The following MAIP1 variants were observed in gnomAD, a reference collection of about 807,000 sequenced individuals.
MAIP1 encodes the protein m-AAA protease-interacting protein 1, mitochondrial.
A neutral mutation model predicts 31.2 loss-of-function variants in MAIP1; 28 were observed. The observed-to-expected ratio is 0.90, with a 90% CI of 0.67 to 1.23. MAIP1 has a LOEUF of 1.23. Ranked by LOEUF, MAIP1 falls within the 50% of genes most tolerant of loss-of-function variation. The probability of loss-of-function intolerance (pLI) is 0.00; values close to 1 mark genes in which losing one functional copy is unlikely to be tolerated. For synonymous variants in MAIP1, 142 were observed against 142.3 expected (o/e 1.00, Z 0.02); for missense variants, 339 against 356.0 (o/e 0.95, Z 0.38).
intron 2 of MAIP1, among the ~76,000 whole-genome samples, 189 bp from the exon 3 acceptor site, chr2:199,959,565 T>C (rs1205784490): frequency 1.3e-5 from 2 of 152,212 alleles, no homozygotes; most frequent in Non-Finnish European, 2.9e-5. Flanking sequence ...TGCTCTTATA[T>C]GGAATGTTCT....
upstream of MAIP1, chr2:199,955,353 C>G: frequency 6.2e-7 from 1 of 1,603,924 alleles, no homozygotes; most frequent in Non-Finnish European, 8.5e-7. Context: ...ACGTGTCTCT[C>G]GCTGGTTTCT....
At chr2:199,959,376 G>A in intron 2 of MAIP1, 37 bp downstream of exon 2, 1 of 1,124,640 alleles carries the variant, frequency 8.9e-7, no homozygotes. Context: ...AAAAATAAAT[G>A]CTATTCTCTT....
intron 2 of MAIP1, 113 bp from the exon 3 acceptor site, chr2:199,959,641 G>A (rs374043843): frequency 8.2e-6 from 7 of 850,716 alleles, no homozygotes; most frequent in African/African-American, 1.7e-5. Flanking sequence ...GAGTAAATAC[G>A]GTAGTAAATT....
chr2:199,956,261 C>G lies in MAIP1; in HGVS notation c.450+13C>G. On this transcript the variant is annotated intron_variant, in intron 1 of 4. Coordinates refer to ENST00000392290, the MANE Select transcript of MAIP1 (RefSeq NM_001394955.1). Reference sequence around the variant, plus strand: ...GGGAGCGAAGCAGGTTTGTTTATTTCCCTGATTGACCTATCCGTCTCTAAT... The same window carrying G: ...GGGAGCGAAGCAGGTTTGTTTATTTGCCTGATTGACCTATCCGTCTCTAAT... 1 of 1,587,292 alleles carries G rather than the reference C, an allele frequency of 6.3e-7. No individual in the cohort carries two copies. The highest frequency in any genetic ancestry group is 8.6e-7 in the Non-Finnish European group (1 of 1,161,508).
In MAIP1 at chr2:199,959,267, G is replaced by A. The variant is rs1286517439; in HGVS notation, c.451-1G>A. On this transcript the variant is annotated splice_acceptor_variant, in intron 1 of 4. Transcript: ENST00000392290. LOFTEE classifies it high-confidence loss of function. The stretch of plus-strand genomic sequence containing the variant: ...ACACTTCCCTTAATATTTTTTTCAA[G>A]GCTTTTGCTCATGTATCCAAGTTGC... 6.5e-7 allele frequency: 1 copy of A among 1,547,034 alleles called. No homozygotes were observed. Among genetic ancestry groups the A allele is most frequent in the Non-Finnish European group, 8.9e-7 (1 of 1,120,872 alleles).
intron 3 of MAIP1, 97 bp from the exon 4 acceptor site, chr2:199,961,684 T>C: frequency 9.0e-7 from 1 of 1,111,290 alleles, no homozygotes; most frequent in South Asian, 1.6e-5. Context: ...CTGTAACAAC[T>C]GTATAACTGC....
chr2:199,955,814 C>T lies in MAIP1; in HGVS notation c.16C>T (p.Arg6Cys), dbSNP rs747358230. The T allele has an allele frequency of 2.9e-5, 44 of 1,516,136 alleles. No individual in the cohort carries two copies. The highest frequency in any genetic ancestry group is 3.6e-5 in the Non-Finnish European group (41 of 1,133,852). The allele number at this position is 1,516,136 out of a possible 1,614,324, so 93.9% of individuals were successfully genotyped here. The change falls in exon 1 of 5, where the codon CGT (arginine) becomes TGT (cysteine). Residue 6 changes from arginine to cysteine, a missense_variant. Arg to Cys is a radical substitution (Grantham distance 180, BLOSUM62 -3). Transcript: ENST00000392290. MALAA[R>C]LLPQFLHSRS... Reference sequence around the variant, plus strand: ...GGTCATAAAAATGGCGCTGGCCGCTCGTTTGCTACCCCAGTTCCTGCACTC... The same window carrying T: ...GGTCATAAAAATGGCGCTGGCCGCTTGTTTGCTACCCCAGTTCCTGCACTC...
At position 199,956,251 on chromosome 2, in the gene MAIP1, T is replaced by C; in HGVS notation, c.450+3T>C. ...AGTTCTCCGAGGGAGCGAAGCAGGT[T>C]TGTTTATTTCCCTGATTGACCTATC... is the stretch of plus-strand genomic sequence containing the variant. On this transcript the variant is annotated splice_donor_region_variant and intron_variant, in intron 1 of 4. Transcript: ENST00000392290. The C allele has an allele frequency of 6.2e-7, 1 of 1,605,526 alleles. No homozygotes were observed. The highest frequency in any genetic ancestry group is 8.5e-7 in the Non-Finnish European group (1 of 1,174,906).
rs776541062 is a variant in MAIP1, at chr2:199,956,007, G to A, written c.209G>A (p.Gly70Asp). The change falls in exon 1 of 5, where the codon GGC becomes GAC. Residue 70 changes from glycine (G) to aspartate (D), a missense_variant. By Grantham distance (94) the Gly-to-Asp change is moderately conservative. Coordinates refer to ENST00000392290, the MANE Select transcript of MAIP1 (RefSeq NM_001394955.1). ...GCAGCCTCGGCGCTACCTGCCCAGG[G>A]CTCCCGGTGGCCAGTGCTCAGCAGC... ...ALAASALPAQ[G>D]SRWPVLSSPG... is the part of the protein sequence containing the mutation. 8 of 1,610,424 alleles carry A rather than the reference G, an allele frequency of 5.0e-6. No homozygotes were observed. In the East Asian group the frequency reaches 6.7e-5, roughly 14 times the overall value.
chr2:199,955,475 G>A (rs984012090), upstream of MAIP1: 1 of 1,613,488 alleles, frequency 6.2e-7, no homozygotes, highest in Non-Finnish European at 8.5e-7. Flanking sequence ...GGCCATGGTT[G>A]CTCACGCCTG....
chr2:199,962,064 G>GAC (rs562445973), intron 4 of MAIP1, 136 bp downstream of exon 4: 145 of 738,662 alleles, frequency 2.0e-4, no homozygotes, highest in African/African-American at 1.9e-3. Context: ...AGGTCAGAAA[G>GAC]ACACACTGGA....
rs1339819345 is a variant in MAIP1, at chr2:199,959,436, G to C, written c.522+97G>C. Reference sequence around the variant, plus strand: ...TTATTTATGCTTAAAAATAGTGTGTGTGCCAGCATCCAAAGTAGAGTCTGT... The same window carrying C: ...TTATTTATGCTTAAAAATAGTGTGTCTGCCAGCATCCAAAGTAGAGTCTGT... On this transcript the variant is annotated intron_variant, in intron 2 of 4. Transcript: ENST00000392290. 10 of 764,542 alleles carry C rather than the reference G, an allele frequency of 1.3e-5. No individual in the cohort carries two copies. The East Asian group carries it at 2.2e-4, about 17-fold the overall frequency. 47.4% of individuals were successfully genotyped at this position (764,542 alleles called of 1,614,324 possible). A position where few individuals can be genotyped will look rare whatever the true frequency, so the allele number is the denominator to read the frequency against.
chr2:199,955,993 G>A lies in MAIP1; in HGVS notation c.195G>A (p.Ala65=). 1 of 1,611,688 alleles carries A rather than the reference G, an allele frequency of 6.2e-7. No individual in the cohort carries two copies. The highest frequency in any genetic ancestry group is 8.5e-7 in the Non-Finnish European group (1 of 1,179,156). Residue 65 remains alanine (A), a synonymous_variant, in exon 1 of 5, where the codon GCG becomes GCA. Transcript: ENST00000392290. ...GCGCTAGGGCCTTGGCAGCCTCGGC[G>A]CTACCTGCCCAGGGCTCCCGGTGGC... ...PRSARALAAS[A]LPAQGSRWPV...
At position 199,959,859 on chromosome 2, in the gene MAIP1, T is replaced by C; in HGVS notation, c.628T>C (p.Ser210Pro). The C allele has an allele frequency of 6.2e-7, 1 of 1,612,164 alleles. No homozygotes were observed. The highest frequency in any genetic ancestry group is 2.2e-5 in the East Asian group (1 of 44,750). Residue 210 changes from serine (S) to proline (P), a missense_variant, in exon 3 of 5, where the codon TCC (serine) becomes CCC (proline). Transcript: ENST00000392290. ...EIVFTSTGDI[S>P]IYYDEKGRKF... ...TGTATTTACATCAACAGGAGACATC[T>C]CCATTTACTATGATGAGAAAGGTAA... is the stretch of plus-strand genomic sequence containing the variant.
In MAIP1 at chr2:199,955,643, G is replaced by A; in HGVS notation, c.-156G>A. 2 of 1,122,118 alleles carry A rather than the reference G, an allele frequency of 1.8e-6. No individual in the cohort carries two copies. The highest frequency in any genetic ancestry group is 2.5e-6 in the Non-Finnish European group (2 of 807,974). The allele number at this position is 1,122,118 out of a possible 1,614,324, so 69.5% of individuals were successfully genotyped here. A position where few individuals can be genotyped will look rare whatever the true frequency, so the allele number is the denominator to read the frequency against. On this transcript the variant is annotated 5_prime_UTR_variant, in exon 1 of 5. Transcript: ENST00000392290. ...TTGCCGAAGGGCCTCGGCCTGGGCT[G>A]CGTGCTGGAGAGCGGGGACGGGGCC...
In MAIP1 at chr2:199,964,096, A is replaced by G. The variant is rs1450722816; in HGVS notation, c.*285A>G. The G allele has an allele frequency of 2.1e-5, 4 of 193,594 alleles. No homozygotes were observed. Among genetic ancestry groups the G allele is most frequent in the African/African-American group, 7.0e-5 (3 of 42,702 alleles). 12.0% of individuals were successfully genotyped at this position (193,594 alleles called of 1,614,324 possible). ...CTACATATAATTTTATAGACATAAT[A>G]AAGAAGGTATTGAAAAAACTACTTA... is the stretch of plus-strand genomic sequence containing the variant. On this transcript the variant is annotated 3_prime_UTR_variant, in exon 5 of 5. Transcript: ENST00000392290.
At chr2:199,956,615 A>G (rs1253517002) in intron 1 of MAIP1, among the ~76,000 whole-genome samples, 1 of 152,250 alleles carries the variant, frequency 6.6e-6, no homozygotes, top group African/African-American at 2.4e-5. Flanking sequence ...CAAATTTACA[A>G]AGTGGGCAAG....
chr2:199,955,372 T>C, upstream of MAIP1: 1 of 1,611,868 alleles, frequency 6.2e-7, no homozygotes, highest in East Asian at 2.2e-5. Flanking sequence ...CTCGAGGTTC[T>C]GCCCCGCGCG....
rs1346099026 is a variant in MAIP1, at chr2:199,956,085, A to G, written c.287A>G (p.Tyr96Cys). ...TTCCCTGCCTGCCCTCAGCGCAGCT[A>G]CAGCACGGAGGAGAAGCCCCAGCAG... ...ASFPACPQRS[Y>C]STEEKPQQHQ... The change falls in exon 1 of 5, where the codon TAC (tyrosine) becomes TGC (cysteine). Residue 96 changes from tyrosine (Y) to cysteine (C), a missense_variant. Physicochemically the swap from Tyr to Cys is radical, Grantham distance 194. Coordinates refer to ENST00000392290, the MANE Select transcript of MAIP1 (RefSeq NM_001394955.1). 5.6e-6 allele frequency: 9 copies of G among 1,613,914 alleles called. No individual in the cohort carries two copies. In the African/African-American group the frequency reaches 6.7e-5, roughly 12 times the overall value.
Sources: gnomAD v4.1 joint callset for allele counts (sites outside exome capture counted in the v4.1 genomes callset) on GRCh38, gnomAD v4.1.1 for gene constraint, MANE v1.5 for transcripts, NCBI Gene and HGNC (gene_info 2026-07-23, HGNC 2026-07-21) for gene names.